The following KIF5C variants were observed in gnomAD, a reference collection of about 807,000 sequenced individuals.
KIF5C encodes the protein kinesin heavy chain isoform 5C.
In KIF5C, 18 loss-of-function variants were observed where a neutral mutation model predicts 125.2. That is an observed-to-expected ratio of 0.14 (90% CI 0.10 to 0.21). The LOEUF (loss-of-function observed/expected upper bound fraction) is 0.21. Ranked by LOEUF, KIF5C falls within the 10% of genes least tolerant of loss-of-function variation. The pLI is 1.00. For synonymous variants in KIF5C, 405 were observed against 434.0 expected (o/e 0.93, Z 0.83); for missense variants, 780 against 1,183.8 (o/e 0.66, Z 5.01).
intron 1 of KIF5C, among the ~76,000 whole-genome samples, chr2:148,894,159 T>C (rs1298025174): frequency 6.6e-6 from 1 of 152,242 alleles, no homozygotes; most frequent in Non-Finnish European, 1.5e-5. Context: ...CAAAGTGGTT[T>C]CATTTTCCAC....
rs1013631297 is a variant in KIF5C at position 149,024,350 on chromosome 2, C to G, written c.*1280C>G. ...TGTTTTGACAAATTTGGGGGTAAGT[C>G]AATGACAACCAAACCAATCTCGGTG... On this transcript the variant is annotated 3_prime_UTR_variant, in exon 26 of 26. Coordinates refer to ENST00000435030, the MANE Select transcript of KIF5C (RefSeq NM_004522.3). 3 of 152,284 alleles carry G rather than the reference C, an allele frequency of 2.0e-5. No individual in the cohort carries two copies. Among genetic ancestry groups the G allele is most frequent in the Non-Finnish European group, 2.9e-5 (2 of 67,976 alleles). 9.4% of individuals were successfully genotyped at this position (152,284 alleles called of 1,614,324 possible).
At chr2:148,978,814 TTCCTTCC>T in intron 12 of KIF5C, 101 bp from the exon 13 acceptor site, 1 of 1,402,198 alleles carries the variant, frequency 7.1e-7, no homozygotes, top group Non-Finnish European at 9.4e-7. Context: ...CACCACACTA[TTCCTTCC>T]TTCTTATCAG....
Position 148,949,856 on chromosome 2 carries a change from C to T in KIF5C, c.732C>T (p.Ala244=), listed in dbSNP as rs550345492. The part of the protein sequence containing the change: ...AGSEKVSKTG[A]EGAVLDEAKN... The stretch of plus-strand genomic sequence containing the variant: ...TCTGGTAGGTCAGCAAAACTGGTGC[C>T]GAGGGAGCTGTTCTTGACGAAGCTA... The change falls in exon 9 of 26, where the codon GCC becomes GCT. Residue 244 remains alanine, a synonymous_variant. Transcript: ENST00000435030. 41 of 1,613,596 alleles carry T rather than the reference C, an allele frequency of 2.5e-5. 1 individual carries two copies. Among genetic ancestry groups the T allele is most frequent in the South Asian group, 1.9e-4 (17 of 91,002 alleles).
Position 148,876,055 on chromosome 2 carries a change from C to T in KIF5C, c.126+312C>T, listed in dbSNP as rs540627560. On this transcript the variant is annotated intron_variant, in intron 1 of 25. Coordinates refer to ENST00000435030, the MANE Select transcript of KIF5C (RefSeq NM_004522.3). This position sits in a 1 kb window ranked among gnomAD's most constrained non-coding sequence, Gnocchi z 4.7. The stretch of plus-strand genomic sequence containing the variant: ...GGCCCATTGTTCCCCACGCTCGCCT[C>T]GCCGCGTGGGTAGTGTGTTCGGGTG... Among the ~76,000 whole-genome samples the T allele has an allele frequency of 1.5e-4, 23 of 152,208 alleles. No individual in the cohort carries two copies. Among genetic ancestry groups the T allele is most frequent in the Admixed American group, 1.5e-3 (23 of 15,302 alleles).
chr2:148,981,234 C>T, intron 13 of KIF5C, 121 bp from the exon 14 acceptor site: 2 of 1,401,724 alleles, frequency 1.4e-6, no homozygotes, highest in South Asian at 1.6e-5. Flanking sequence ...TCCCATCATC[C>T]TGAACTTTTT....
At chr2:148,912,606 T>C (rs1681384704) in intron 1 of KIF5C, among the ~76,000 whole-genome samples, 1 of 152,284 alleles carries the variant, frequency 6.6e-6, no homozygotes, top group East Asian at 1.9e-4. Flanking sequence ...CCACCACAAC[T>C]GGCTAATTTT....
At chr2:148,950,574 C>T (rs1211414507) in intron 10 of KIF5C, 112 bp downstream of exon 10, 13 of 1,382,242 alleles carry the variant, frequency 9.4e-6, no homozygotes, top group Middle Eastern at 2.6e-4. Context: ...TTTGGGAGGC[C>T]AAGGCGGGTG....
chr2:148,978,334 GTTTTTTT>G (rs71406035), intron 12 of KIF5C, among the ~76,000 whole-genome samples: 848 of 78,662 alleles, frequency 0.011, 13 homozygotes, highest in African/African-American at 0.037. Context: ...CTGCCCTGAG[GTTTTTTT>G]TTTTTTTTTT....
chr2:149,010,197 C>T lies in KIF5C; in HGVS notation c.2613C>T (p.Ala871=), dbSNP rs1003078034. ...CCAAGCTGGAGAAGCGGCTGCGTGC[C>T]ACGGCGGAGCGCGTCAAGGCTCTGG... The part of the protein sequence containing the change: ...ELPKLEKRLR[A]TAERVKALES... The change falls in exon 24 of 26, where the codon GCC becomes GCT. Residue 871 remains alanine (A), a synonymous_variant. Coordinates refer to ENST00000435030, the MANE Select transcript of KIF5C (RefSeq NM_004522.3). The T allele has an allele frequency of 1.9e-6, 3 of 1,556,788 alleles. No homozygotes were observed. The highest frequency in any genetic ancestry group is 2.6e-6 in the Non-Finnish European group (3 of 1,150,626).
Position 149,010,115 on chromosome 2 carries a change from C to A in KIF5C, c.2551-20C>A. ...CTGCCTGCCTGGTAGTAACTCCCTTCCTTTATCCTCCTGCCCCAGCTGGTC... is the reference window on the plus strand; with the variant it reads ...CTGCCTGCCTGGTAGTAACTCCCTTACTTTATCCTCCTGCCCCAGCTGGTC... On this transcript the variant is annotated intron_variant, in intron 23 of 25. Transcript: ENST00000435030. 1.3e-6 allele frequency: 2 copies of A among 1,534,178 alleles called. No homozygotes were observed. Among genetic ancestry groups the A allele is most frequent in the Admixed American group, 2.0e-5 (1 of 49,518 alleles).
At chr2:148,878,843 C>A in intron 1 of KIF5C, 1 of 152,128 alleles carries the variant, frequency 6.6e-6, no homozygotes, top group East Asian at 1.9e-4. Flanking sequence ...CAAACAGAGA[C>A]AAGTAAAGAA....
chr2:148,948,459 T>C (rs971665498), intron 8 of KIF5C, among the ~76,000 whole-genome samples: 4 of 152,164 alleles, frequency 2.6e-5, no homozygotes, highest in African/African-American at 7.2e-5. Flanking sequence ...AGAGCCTAAA[T>C]ACACCTGAAA....
chr2:148,937,114 A>G (rs768789997), intron 3 of KIF5C, among the ~76,000 whole-genome samples, 170 bp from the exon 4 acceptor site: 3 of 152,168 alleles, frequency 2.0e-5, no homozygotes. Flanking sequence ...TTTTCCACCA[A>G]CTTCTGGTCT....
intron 1 of KIF5C, among the ~76,000 whole-genome samples, chr2:148,894,023 C>G (rs568382230): frequency 1.1e-4 from 17 of 152,304 alleles, no homozygotes; most frequent in Admixed American, 5.2e-4. Context: ...CCCCACCACA[C>G]ACACATACAC....
At chr2:148,999,347 A>C (rs1283859648) in intron 19 of KIF5C, among the ~76,000 whole-genome samples, 1 of 149,454 alleles carries the variant, frequency 6.7e-6, no homozygotes, top group East Asian at 2.0e-4. Flanking sequence ...TGATTTACTT[A>C]AGGTCACATT....
At chr2:148,933,873 C>G (rs1682229942) in intron 3 of KIF5C, among the ~76,000 whole-genome samples, 1 of 151,414 alleles carries the variant, frequency 6.6e-6, no homozygotes, top group Non-Finnish European at 1.5e-5. Context: ...ATAATATACA[C>G]ACAGACACAC....
At chr2:148,966,115 G>T (rs73009522) in intron 11 of KIF5C, among the ~76,000 whole-genome samples, 1 of 152,006 alleles carries the variant, frequency 6.6e-6, no homozygotes, top group Non-Finnish European at 1.5e-5. Context: ...AACTTGACAC[G>T]CACATTGGTT....
chr2:148,957,607 A>AC (rs1216461753), intron 10 of KIF5C, among the ~76,000 whole-genome samples: 4 of 150,480 alleles, frequency 2.7e-5, no homozygotes, highest in Non-Finnish European at 5.9e-5. Context: ...AAAAAAAAAA[A>AC]AAAAAAAAAA....
chr2:148,978,892 C>CA (rs749432942), intron 12 of KIF5C, 30 bp from the exon 13 acceptor site: 8 of 1,567,128 alleles, frequency 5.1e-6, no homozygotes, highest in Admixed American at 1.9e-5. Context: ...CATAACTAAC[C>CA]AAAAAAACAA....
Sources: gnomAD v4.1 joint callset for allele counts (sites outside exome capture counted in the v4.1 genomes callset) on GRCh38, gnomAD v4.1.1 for gene constraint, Gnocchi (gnomAD v3.1) non-coding constraint, MANE v1.5 for transcripts, NCBI Gene and HGNC (gene_info 2026-07-23, HGNC 2026-07-21) for gene names.